Variants in CSMD1 observed in about 807,000 individuals in gnomAD.
The protein encoded by CSMD1 is CUB and Sushi multiple domains 1.
CSMD1 carries 213 observed loss-of-function variants against 417.5 expected under a neutral mutation model. The ratio of observed to expected loss-of-function variants is 0.51; its 90% CI spans 0.46 to 0.57. The LOEUF (loss-of-function observed/expected upper bound fraction) is 0.57, where lower values mean the gene tolerates loss of function less well. CSMD1 is among the 20% of genes least tolerant of loss of function. CSMD1 has a pLI of 0.00. For missense variants in CSMD1, 6,923 were observed against 4,529.7 expected (o/e 1.53, Z -15.17); for synonymous variants, 2,862 against 1,736.8 (o/e 1.65, Z -16.11).
At chr8:3,867,607 A>T (rs966589958) in intron 5 of CSMD1, among the ~76,000 whole-genome samples, 8 of 152,158 alleles carry the variant, frequency 5.3e-5, no homozygotes, top group African/African-American at 1.9e-4. Flanking sequence ...AAAAATTTTA[A>T]TCTATACATA....
chr8:4,895,308 T>C (rs1231096593), intron 1 of CSMD1, among the ~76,000 whole-genome samples: 2 of 152,108 alleles, frequency 1.3e-5, no homozygotes, highest in Admixed American at 6.5e-5. Flanking sequence ...TATGACTTAG[T>C]TGTCTTTGTT....
chr8:4,985,507 A>G (rs1446365727), intron 1 of CSMD1, among the ~76,000 whole-genome samples: 3 of 152,184 alleles, frequency 2.0e-5, no homozygotes, highest in Non-Finnish European at 4.4e-5. Context: ...ATCCTTTTCA[A>G]GAGTCAAGTC....
chr8:3,286,055 C>A (rs1056732898), intron 25 of CSMD1, among the ~76,000 whole-genome samples: 8 of 152,056 alleles, frequency 5.3e-5, no homozygotes, highest in Non-Finnish European at 7.4e-5. Flanking sequence ...CAACTCCCAC[C>A]TATGAGTGAG....
chr8:3,670,895 T>TGATATATATGTATATGG (rs1410912347), intron 7 of CSMD1, among the ~76,000 whole-genome samples: 38 of 104,526 alleles, frequency 3.6e-4, no homozygotes, highest in Admixed American at 6.8e-4. Flanking sequence ...TATATGTATG[T>TGATATATATGTATATGG]GATATATATG....
At chr8:3,043,115 G>GAT (rs1208379226) in intron 50 of CSMD1, among the ~76,000 whole-genome samples, 5 of 148,786 alleles carry the variant, frequency 3.4e-5, no homozygotes, top group Admixed American at 1.3e-4. Context: ...TCACTATGGT[G>GAT]ATATATATAT....
intron 1 of CSMD1, among the ~76,000 whole-genome samples, chr8:4,772,612 G>C (rs891810977): frequency 4.6e-5 from 7 of 152,064 alleles, no homozygotes; most frequent in Non-Finnish European, 1.0e-4. Flanking sequence ...TTTTTTCTTA[G>C]TATTTTTATC....
intron 3 of CSMD1, among the ~76,000 whole-genome samples, chr8:4,361,994 T>C (rs1801795379): frequency 6.6e-6 from 1 of 151,010 alleles, no homozygotes; most frequent in African/African-American, 2.4e-5. Context: ...ATAAATAAAG[T>C]TTCCTATCCT....
At chr8:4,027,834 G>C (rs892923039) in intron 4 of CSMD1, among the ~76,000 whole-genome samples, 4 of 152,110 alleles carry the variant, frequency 2.6e-5, no homozygotes, top group Admixed American at 6.5e-5. Flanking sequence ...TATGACTTGA[G>C]ATCTACATGA....
intron 6 of CSMD1, among the ~76,000 whole-genome samples, chr8:3,720,995 G>C (rs1056540134): frequency 2.0e-5 from 3 of 147,830 alleles, no homozygotes; most frequent in Non-Finnish European, 3.0e-5. Context: ...TATTTTTTTT[G>C]TATTTTTAGT....
chr8:3,566,104 A>G (rs968458633), intron 10 of CSMD1, among the ~76,000 whole-genome samples: 1 of 152,138 alleles, frequency 6.6e-6, no homozygotes, highest in African/African-American at 2.4e-5. Context: ...AAAGGGAAGG[A>G]GGCGGAGAAG....
intron 49 of CSMD1, among the ~76,000 whole-genome samples, chr8:3,069,891 A>G (rs530579759): frequency 1.3e-5 from 2 of 152,332 alleles, no homozygotes; most frequent in South Asian, 2.1e-4. Flanking sequence ...TTTTTCATAC[A>G]TACTCCAAAA....
chr8:4,447,115 T>A (rs980477882), intron 2 of CSMD1, among the ~76,000 whole-genome samples: 30 of 152,108 alleles, frequency 2.0e-4, no homozygotes, highest in African/African-American at 7.0e-4. Context: ...CTTACTTAAA[T>A]GTACATTTGC....
At chr8:3,039,914 A>G (rs1810977716) in intron 50 of CSMD1, among the ~76,000 whole-genome samples, 1 of 152,134 alleles carries the variant, frequency 6.6e-6, no homozygotes, top group Admixed American at 6.6e-5. Context: ...CTCTTCTAAA[A>G]ATTAATCTGG....
chr8:3,214,341 C>G (rs1797774849), intron 30 of CSMD1, among the ~76,000 whole-genome samples, 156 bp downstream of exon 30: 1 of 152,176 alleles, frequency 6.6e-6, no homozygotes, highest in Non-Finnish European at 1.5e-5. Flanking sequence ...ATTAAATGAT[C>G]AATGAATGAC....
chr8:3,104,269 C>T (rs75073513), intron 46 of CSMD1, among the ~76,000 whole-genome samples: 1,674 of 152,166 alleles, frequency 0.011, 22 homozygotes, highest in African/African-American at 0.038. Context: ...GGAAAGAATC[C>T]ATAAATAGAC....
chr8:3,438,572 C>G (rs559085087), intron 12 of CSMD1, among the ~76,000 whole-genome samples: 13 of 152,180 alleles, frequency 8.5e-5, no homozygotes, highest in Non-Finnish European at 1.9e-4. Context: ...GTGCTTGTAT[C>G]AATAGTTTAT....
At chr8:4,179,826 A>G (rs1327180318) in intron 3 of CSMD1, among the ~76,000 whole-genome samples, 1 of 152,218 alleles carries the variant, frequency 6.6e-6, no homozygotes, top group Non-Finnish European at 1.5e-5. Flanking sequence ...CACATGAAAA[A>G]ATGCTCATCA....
chr8:3,502,631 A>C, intron 10 of CSMD1, among the ~76,000 whole-genome samples: 1 of 152,272 alleles, frequency 6.6e-6, no homozygotes, highest in African/African-American at 2.4e-5. Context: ...GTGTTGCAAC[A>C]TTTCAACTGC....
intron 1 of CSMD1, among the ~76,000 whole-genome samples, chr8:4,832,376 C>T (rs1251188354): frequency 2.0e-5 from 3 of 152,122 alleles, no homozygotes; most frequent in Admixed American, 1.3e-4. Flanking sequence ...GAACTTGACA[C>T]ATGACTGAAA....
Sources: allele counts gnomAD v4.1 joint callset (sites outside exome capture counted in the v4.1 genomes callset), GRCh38; gene constraint gnomAD v4.1.1; transcripts MANE v1.5; gene names NCBI Gene and HGNC (gene_info 2026-07-23, HGNC 2026-07-21).